Variants in OLA1 observed in about 807,000 individuals in gnomAD.
OLA1 encodes Obg like ATPase 1.
OLA1 carries 14 observed loss-of-function variants against 48.4 expected under a neutral mutation model. The ratio of observed to expected loss-of-function variants is 0.29; its 90% confidence interval spans 0.19 to 0.45. The LOEUF (loss-of-function observed/expected upper bound fraction) is 0.45, where lower values mean the gene tolerates loss of function less well. Among genes scored for constraint, OLA1 ranks in the 20% least tolerant of loss-of-function variants. OLA1 has a pLI of 1.00. For missense variants in OLA1, 325 were observed against 467.1 expected, an observed-to-expected ratio of 0.70 and a Z score of 2.80; for synonymous variants, 127 against 150.4, an observed-to-expected ratio of 0.84 and a Z score of 1.14.
intron 4 of OLA1, among the ~76,000 whole-genome samples, chr2:174,148,635 C>A (rs1292608218): frequency 6.6e-6 from 1 of 152,188 alleles, no homozygotes; most frequent in African/African-American, 2.4e-5. Context: ...TGACTTCCCT[C>A]ACATTTCTAG....
At chr2:174,193,232 GGCAT>G (rs985971961) in intron 4 of OLA1, among the ~76,000 whole-genome samples, 8 of 151,834 alleles carry the variant, frequency 5.3e-5, no homozygotes, top group Non-Finnish European at 1.2e-4. Flanking sequence ...TGGGATTATA[GGCAT>G]GCACCACCAT....
At chr2:174,141,266 A>G (rs527559269) in intron 5 of OLA1, among the ~76,000 whole-genome samples, 59 of 152,366 alleles carry the variant, frequency 3.9e-4, no homozygotes, top group Middle Eastern at 3.4e-3. Context: ...AGACAATTCA[A>G]TCATATGTAA....
intron 4 of OLA1, among the ~76,000 whole-genome samples, chr2:174,177,728 TA>T (rs1388760651): frequency 6.6e-6 from 1 of 151,840 alleles, no homozygotes; most frequent in Non-Finnish European, 1.5e-5. Flanking sequence ...TTGGATTTCT[TA>T]AATTTTTTTC....
chr2:174,236,789 T>C (rs1688861041), intron 2 of OLA1, among the ~76,000 whole-genome samples: 1 of 152,202 alleles, frequency 6.6e-6, no homozygotes, highest in South Asian at 2.1e-4. Flanking sequence ...AGGTACTATA[T>C]ATCTAAACAT....
chr2:174,144,951 A>ATATATATATAT lies in OLA1; in HGVS notation c.374-2952_374-2951insATATATATATA, dbSNP rs1553483449. Reference sequence around the variant, plus strand: ...TGTTTAAAAAAAAAAAAAAAAAAAAAATATATATATATATATATATATATA... The same window carrying ATATATATATAT: ...TGTTTAAAAAAAAAAAAAAAAAAAAATATATATATATATATATATATATATATATATATATA... On this transcript the variant is annotated intron_variant, in intron 4 of 10. Transcript: ENST00000284719. 2.5e-4 allele frequency among the ~76,000 whole-genome samples: 10 copies of ATATATATATAT among 40,292 alleles called. 1 individual carries two copies. In the East Asian group the frequency reaches 7.7e-3, roughly 31 times the overall value. 26.4% of individuals were successfully genotyped at this position (40,292 alleles called of 152,430 possible).
chr2:174,148,201 A>G (rs1261226762), intron 4 of OLA1, among the ~76,000 whole-genome samples: 1 of 152,208 alleles, frequency 6.6e-6, no homozygotes, highest in Non-Finnish European at 1.5e-5. Context: ...AGCTTGGCCA[A>G]TGTGGTGAAA....
intron 4 of OLA1, among the ~76,000 whole-genome samples, chr2:174,216,996 G>A (rs1461948422): frequency 1.3e-5 from 2 of 152,076 alleles, no homozygotes; most frequent in Non-Finnish European, 1.5e-5. Flanking sequence ...TAAGTTTTTG[G>A]GGAGTTAAAA....
At chr2:174,078,899 AT>A in intron 10 of OLA1, 68 bp downstream of exon 10, 1 of 1,471,210 alleles carries the variant, frequency 6.8e-7, no homozygotes, top group South Asian at 1.3e-5. Context: ...ATTATCATTC[AT>A]TTTTATCATG....
chr2:174,113,409 G>A lies in OLA1; in HGVS notation c.728+9771C>T, dbSNP rs78632976. ...GCAATTTCATATAATTTTTAATTTC[G>A]GTTTCAATAAGAGCCATTGTATTTT... On this transcript the variant is annotated intron_variant, in intron 7 of 10. Coordinates refer to ENST00000284719, the MANE Select transcript of OLA1 (RefSeq NM_013341.5). 6.1e-3 allele frequency among the ~76,000 whole-genome samples: 930 copies of A among 151,736 alleles called. 2 individuals carry two copies. The highest frequency in any genetic ancestry group is 9.7e-3 in the Non-Finnish European group (656 of 67,922).
At chr2:174,153,680 T>C (rs753833358) in intron 4 of OLA1, among the ~76,000 whole-genome samples, 8 of 152,206 alleles carry the variant, frequency 5.3e-5, no homozygotes, top group Non-Finnish European at 1.0e-4. Flanking sequence ...CTGTACTTAA[T>C]TATATTCAAT....
chr2:174,140,381 T>C (rs994655493), intron 5 of OLA1, among the ~76,000 whole-genome samples: 4 of 150,466 alleles, frequency 2.7e-5, no homozygotes, highest in African/African-American at 9.7e-5. Context: ...TTTTTTTTTT[T>C]AATTGAGACC....
chr2:174,083,910 TAAG>T (rs1250229318), intron 7 of OLA1, among the ~76,000 whole-genome samples: 5 of 152,156 alleles, frequency 3.3e-5, no homozygotes, highest in Admixed American at 3.3e-4. Context: ...AACAACAAGA[TAAG>T]AAATAATTAC....
chr2:174,084,833 T>A (rs1684932966), intron 7 of OLA1, among the ~76,000 whole-genome samples: 1 of 152,202 alleles, frequency 6.6e-6, no homozygotes, highest in African/African-American at 2.4e-5. Flanking sequence ...ATAATCTCTA[T>A]GTACAAATGT....
intron 4 of OLA1, among the ~76,000 whole-genome samples, chr2:174,193,082 TC>T (rs1318622769): frequency 8.0e-6 from 1 of 125,070 alleles, no homozygotes; most frequent in Non-Finnish European, 1.7e-5. Flanking sequence ...TTAAAATATT[TC>T]TTTCTTTCTT....
At chr2:174,222,592 C>T (rs1279044387) in intron 4 of OLA1, among the ~76,000 whole-genome samples, 5 of 152,108 alleles carry the variant, frequency 3.3e-5, no homozygotes, top group African/African-American at 1.2e-4. Flanking sequence ...TCTATAGTTT[C>T]TCTTTAATCC....
chr2:174,154,824 T>C (rs1162208644), intron 4 of OLA1, among the ~76,000 whole-genome samples: 1 of 152,190 alleles, frequency 6.6e-6, no homozygotes, highest in Non-Finnish European at 1.5e-5. Context: ...AGAAATAAAC[T>C]AAACAGCAAA....
chr2:174,202,121 A>T (rs1688003846), intron 4 of OLA1, among the ~76,000 whole-genome samples: 1 of 152,232 alleles, frequency 6.6e-6, no homozygotes, highest in African/African-American at 2.4e-5. Context: ...ATGAATGCAT[A>T]AAAATATGCA....
Position 174,175,861 on chromosome 2 carries a change from TAAG to T in OLA1, c.374-33864_374-33862del, listed in dbSNP as rs1409220999. Among the ~76,000 whole-genome samples, 9 of 151,986 alleles carry T rather than the reference TAAG, an allele frequency of 5.9e-5. No individual in the cohort carries two copies. In the East Asian group the frequency reaches 1.7e-3, roughly 29 times the overall value. On this transcript the variant is annotated intron_variant, in intron 4 of 10. Transcript: ENST00000284719. ...GATAATATTAAAGGCTACATAGTAATAAGAAAGTATTAACGTACACAATATGAA... is the reference window on the plus strand; with the variant it reads ...GATAATATTAAAGGCTACATAGTAATAAAGTATTAACGTACACAATATGAA...
intron 4 of OLA1, among the ~76,000 whole-genome samples, chr2:174,181,995 T>C (rs926270446): frequency 6.6e-6 from 1 of 152,180 alleles, no homozygotes; most frequent in African/African-American, 2.4e-5. Context: ...CTTGAGTGAA[T>C]AAATTGTGGG....
Sources: gnomAD v4.1 joint callset for allele counts (sites outside exome capture counted in the v4.1 genomes callset) on GRCh38, gnomAD v4.1.1 for gene constraint, MANE v1.5 for transcripts, NCBI Gene and HGNC (gene_info 2026-07-23, HGNC 2026-07-21) for gene names.